SNCAIP: variants seen among roughly 807,000 people sequenced by gnomAD.
SNCAIP encodes synuclein alpha interacting protein.
SNCAIP carries 43 observed loss-of-function variants against 86.7 expected under a neutral mutation model. The observed-to-expected ratio is 0.50, with a 90% confidence interval of 0.39 to 0.64. The LOEUF (loss-of-function observed/expected upper bound fraction) is 0.64, where lower values mean the gene tolerates loss of function less well. Ranked by LOEUF, SNCAIP falls within the 30% of genes least tolerant of loss-of-function variation. SNCAIP has a pLI of 0.00. For synonymous variants in SNCAIP, 417 were observed against 427.2 expected (o/e 0.98, Z 0.29); for missense variants, 981 against 1,103.1 (o/e 0.89, Z 1.57).
At chr5:122,324,319 G>T (rs1457910514) in intron 1 of SNCAIP, among the ~76,000 whole-genome samples, 1 of 152,178 alleles carries the variant, frequency 6.6e-6, no homozygotes, top group African/African-American at 2.4e-5. Context: ...TCCTGCTGGG[G>T]ACCAGGATCA....
At chr5:122,344,517 T>G (rs1270912936) in intron 1 of SNCAIP, among the ~76,000 whole-genome samples, 1 of 152,150 alleles carries the variant, frequency 6.6e-6, no homozygotes, top group Non-Finnish European at 1.5e-5. Flanking sequence ...GGAGAGGGCT[T>G]TGAGCTACAA....
rs1753944342 is a variant in SNCAIP at position 122,326,030 on chromosome 5, T to G, written c.-47+13746T>G. On this transcript the variant is annotated intron_variant, in intron 1 of 10. Transcript: ENST00000261368. ...CCTAATTGGGATAATTGGGTATGCT[T>G]AAACTAATAAACTCTATTTGTGACC... 1.3e-5 allele frequency among the ~76,000 whole-genome samples: 2 copies of G among 152,202 alleles called. 1 individual carries two copies. The highest frequency in any genetic ancestry group is 4.1e-4 in the South Asian group (2 of 4,834).
At chr5:122,352,619 T>C (rs1760099354) in intron 1 of SNCAIP, among the ~76,000 whole-genome samples, 1 of 152,240 alleles carries the variant, frequency 6.6e-6, no homozygotes, top group Admixed American at 6.5e-5. Context: ...GTTATCTCCA[T>C]GCAAATGAGT....
chr5:122,342,205 T>A (rs906707698), intron 1 of SNCAIP, among the ~76,000 whole-genome samples: 1 of 152,136 alleles, frequency 6.6e-6, no homozygotes, highest in Admixed American at 6.5e-5. Flanking sequence ...TTCTCCTCAA[T>A]GGCCTATTCA....
chr5:122,440,964 C>T, intron 7 of SNCAIP: 1 of 558,054 alleles, frequency 1.8e-6, no homozygotes, highest in East Asian at 3.3e-5. Flanking sequence ...TTTCAGTGTC[C>T]CAGGGTGTTG....
At chr5:122,358,117 C>T (rs993358465) in intron 1 of SNCAIP, among the ~76,000 whole-genome samples, 5 of 151,314 alleles carry the variant, frequency 3.3e-5, no homozygotes, top group Non-Finnish European at 7.4e-5. Flanking sequence ...TACCCCTAAA[C>T]AGAGTTAATT....
chr5:122,350,715 A>T (rs1580588307), intron 1 of SNCAIP, among the ~76,000 whole-genome samples: 1 of 152,230 alleles, frequency 6.6e-6, no homozygotes, highest in African/African-American at 2.4e-5. Context: ...GTGTGGTAGG[A>T]TCATGAGACA....
At chr5:122,439,470 C>T (rs1433303114) in intron 6 of SNCAIP, among the ~76,000 whole-genome samples, 2 of 152,190 alleles carry the variant, frequency 1.3e-5, no homozygotes, top group African/African-American at 2.4e-5. Flanking sequence ...TGTTCAGTCT[C>T]TCCCTGATGT....
intron 1 of SNCAIP, among the ~76,000 whole-genome samples, chr5:122,364,112 G>A (rs941802762): frequency 6.6e-6 from 1 of 152,122 alleles, no homozygotes; most frequent in Non-Finnish European, 1.5e-5. Flanking sequence ...TGTCAGAGGC[G>A]TTTGAACCAG....
chr5:122,459,482 A>G (rs1051954710), intron 10 of SNCAIP, among the ~76,000 whole-genome samples: 3 of 152,236 alleles, frequency 2.0e-5, no homozygotes, highest in Non-Finnish European at 4.4e-5. Context: ...TCATGCCAGA[A>G]TTACCCAAAC....
At chr5:122,391,727 C>T (rs1769402889) in intron 2 of SNCAIP, among the ~76,000 whole-genome samples, 1 of 152,160 alleles carries the variant, frequency 6.6e-6, no homozygotes, top group Non-Finnish European at 1.5e-5. Flanking sequence ...TTTTGAGGTC[C>T]TGCTTAATCC....
intron 1 of SNCAIP, among the ~76,000 whole-genome samples, chr5:122,379,603 TC>T (rs1438477041): frequency 6.6e-6 from 1 of 150,980 alleles, no homozygotes; most frequent in African/African-American, 2.4e-5. Flanking sequence ...AGAGAGGGCA[TC>T]CCTGTCTTGT....
intron 6 of SNCAIP, among the ~76,000 whole-genome samples, chr5:122,438,344 G>A (rs1780001808): frequency 6.6e-6 from 1 of 152,132 alleles, no homozygotes; most frequent in Non-Finnish European, 1.5e-5. Context: ...CTGTGTCTCA[G>A]TTGTCCCACC....
chr5:122,399,830 G>A lies in SNCAIP; in HGVS notation c.58-3963G>A, dbSNP rs150663356. ...CAATGATTCTACAACTTCATCGTGC[G>A]TTATAATCACCCATATGGCTTGTGA... On this transcript the variant is annotated intron_variant, in intron 2 of 10. Coordinates refer to ENST00000261368, the MANE Select transcript of SNCAIP (RefSeq NM_005460.4). Among the ~76,000 whole-genome samples, 402 of 152,208 alleles carry A rather than the reference G, an allele frequency of 2.6e-3. 3 individuals carry two copies. Among genetic ancestry groups the A allele is most frequent in the Admixed American group, 6.3e-3 (96 of 15,280 alleles).
intron 1 of SNCAIP, among the ~76,000 whole-genome samples, chr5:122,359,352 TA>T (rs1336694110): frequency 6.9e-6 from 1 of 144,774 alleles, no homozygotes; most frequent in African/African-American, 2.5e-5. Flanking sequence ...TTTTTATTTT[TA>T]TTTATTTATT....
chr5:122,460,844 C>G (rs1786024111), intron 10 of SNCAIP, among the ~76,000 whole-genome samples: 1 of 152,184 alleles, frequency 6.6e-6, no homozygotes. Flanking sequence ...CAGTTACTCT[C>G]TGTTCATGGA....
chr5:122,442,734 T>C (rs1358351192), intron 7 of SNCAIP, among the ~76,000 whole-genome samples: 1 of 152,202 alleles, frequency 6.6e-6, no homozygotes, highest in African/African-American at 2.4e-5. Context: ...CCAGCTGATA[T>C]CACTACGTGA....
At chr5:122,406,882 CA>C (rs1773122955) in intron 3 of SNCAIP, among the ~76,000 whole-genome samples, 1 of 152,168 alleles carries the variant, frequency 6.6e-6, no homozygotes, top group South Asian at 2.1e-4. Context: ...CCCCACGAGA[CA>C]AAGACATTTC....
intron 5 of SNCAIP, among the ~76,000 whole-genome samples, chr5:122,428,590 T>G (rs1212860375): frequency 2.6e-5 from 4 of 151,964 alleles, no homozygotes; most frequent in Admixed American, 1.3e-4. Context: ...TTACCTTTTA[T>G]TTTTATTTAT....
Sources: allele counts gnomAD v4.1 joint callset (sites outside exome capture counted in the v4.1 genomes callset), GRCh38; gene constraint gnomAD v4.1.1; transcripts MANE v1.5; gene names NCBI Gene and HGNC (gene_info 2026-07-23, HGNC 2026-07-21).